CDH18: variants seen among roughly 807,000 people sequenced by gnomAD.
The protein encoded by CDH18 is cadherin-18.
A neutral mutation model predicts 67.9 loss-of-function variants in CDH18; 31 were observed. That is an observed-to-expected ratio of 0.46 (90% CI 0.34 to 0.62). The LOEUF (loss-of-function observed/expected upper bound fraction) is 0.62. Among genes scored for constraint, CDH18 ranks in the 20% least tolerant of loss-of-function variants. The pLI is 0.01. For synonymous variants in CDH18, 362 were observed against 347.2 expected (o/e 1.04, Z -0.48); for missense variants, 890 against 975.5 (o/e 0.91, Z 1.17).
intron 3 of CDH18, among the ~76,000 whole-genome samples, chr5:19,751,254 C>T (rs910290981): frequency 6.6e-6 from 1 of 152,080 alleles, no homozygotes; most frequent in Non-Finnish European, 1.5e-5. Flanking sequence ...TATTCTATTC[C>T]TTGGGGAAGA....
intron 1 of CDH18, among the ~76,000 whole-genome samples, chr5:20,364,076 G>T (rs1323360028): frequency 6.6e-6 from 1 of 152,128 alleles, no homozygotes; most frequent in Non-Finnish European, 1.5e-5. Flanking sequence ...AAGAGGAAGA[G>T]CACATTGAAG....
At chr5:20,166,222 C>T (rs1472507370) in intron 2 of CDH18, among the ~76,000 whole-genome samples, 1 of 151,896 alleles carries the variant, frequency 6.6e-6, no homozygotes, top group Non-Finnish European at 1.5e-5. Context: ...TGGCGGATCA[C>T]CTGAAGTCAG....
At chr5:20,309,958 C>T (rs1736843538) in intron 1 of CDH18, among the ~76,000 whole-genome samples, 1 of 151,738 alleles carries the variant, frequency 6.6e-6, no homozygotes, top group African/African-American at 2.4e-5. Flanking sequence ...ATCTAAGTTG[C>T]TATCCCTTTA....
rs550807826 is a variant in CDH18, at chr5:20,205,356, T to C, written c.-518+50088A>G. Among the ~76,000 whole-genome samples the C allele has an allele frequency of 7.9e-5, 12 of 151,866 alleles. No individual in the cohort carries two copies. In the South Asian group the frequency reaches 1.2e-3, roughly 16 times the overall value. On this transcript the variant is annotated intron_variant, in intron 2 of 14. Coordinates refer to the CDH18 transcript ENST00000507958. ...ATCAATTATAAATATGCATCCAACA[T>C]TGGAACACCCAAGTATATGCAACAA...
At chr5:20,062,336 C>A (rs1742572385) in intron 2 of CDH18, among the ~76,000 whole-genome samples, 1 of 151,684 alleles carries the variant, frequency 6.6e-6, no homozygotes, top group Admixed American at 6.6e-5. Context: ...GTATTTTTAG[C>A]AGACATGGGG....
Position 20,455,370 on chromosome 5 carries a change from A to G in CDH18, c.-580+120092T>C, listed in dbSNP as rs76013738. 1.1e-3 allele frequency among the ~76,000 whole-genome samples: 165 copies of G among 152,226 alleles called. 4 individuals are homozygous for G. The Middle Eastern group carries it at 0.014, about 13-fold the overall frequency. On this transcript the variant is annotated intron_variant, in intron 1 of 14. Coordinates refer to the CDH18 transcript ENST00000507958. Reference sequence around the variant, plus strand: ...TGATGGATTTAAGGAGAGCAAGACTAAGGCAGGGAGACAAATTAAAAAGCT... The same window carrying G: ...TGATGGATTTAAGGAGAGCAAGACTGAGGCAGGGAGACAAATTAAAAAGCT...
chr5:20,295,457 A>G (rs1747412803), intron 1 of CDH18, among the ~76,000 whole-genome samples: 1 of 152,170 alleles, frequency 6.6e-6, no homozygotes. Flanking sequence ...GGCCAGGCAC[A>G]GTGGCTCACG....
At chr5:19,920,558 G>T (rs1349160922) in intron 2 of CDH18, among the ~76,000 whole-genome samples, 1 of 134,304 alleles carries the variant, frequency 7.4e-6, no homozygotes, top group African/African-American at 2.8e-5. Context: ...CTGTCGCCTA[G>T]TCTGGAGTAC....
At chr5:20,535,227 G>A (rs569595190) in intron 1 of CDH18, among the ~76,000 whole-genome samples, 11 of 152,236 alleles carry the variant, frequency 7.2e-5, no homozygotes, top group Admixed American at 3.9e-4. Flanking sequence ...CTGAAGTGCC[G>A]ATTTGCTTGC....
intron 4 of CDH18, among the ~76,000 whole-genome samples, chr5:19,736,108 G>C (rs1768285711): frequency 6.6e-6 from 1 of 152,152 alleles, no homozygotes; most frequent in Non-Finnish European, 1.5e-5. Flanking sequence ...TGAAATAATG[G>C]ACCAGAACAT....
At chr5:20,168,058 A>G (rs964840775) in intron 2 of CDH18, among the ~76,000 whole-genome samples, 9 of 152,288 alleles carry the variant, frequency 5.9e-5, no homozygotes, top group Non-Finnish European at 7.4e-5. Flanking sequence ...ACCTTTAGTG[A>G]AAGTCTGGAA....
chr5:19,668,061 A>G (rs1758210408), intron 5 of CDH18, among the ~76,000 whole-genome samples: 1 of 152,094 alleles, frequency 6.6e-6, no homozygotes, highest in Non-Finnish European at 1.5e-5. Context: ...TAGTCAGTAT[A>G]CATATTTACG....
intron 1 of CDH18, among the ~76,000 whole-genome samples, chr5:20,356,322 G>A (rs1042630459): frequency 2.6e-5 from 4 of 152,284 alleles, no homozygotes; most frequent in African/African-American, 4.8e-5. Context: ...GACGGAGGTC[G>A]CAGTGAGCTG....
At chr5:19,992,009 T>G (rs1297750308), upstream of CDH18, 1 of 139,048 alleles carries the variant, frequency 7.2e-6, no homozygotes, top group Non-Finnish European at 1.5e-5. Flanking sequence ...CAGAGCGAGA[T>G]TCCATCTCAA....
intron 2 of CDH18, among the ~76,000 whole-genome samples, chr5:20,175,394 T>C (rs560430554): frequency 6.6e-6 from 1 of 152,106 alleles, no homozygotes; most frequent in Non-Finnish European, 1.5e-5. Context: ...TAAAGTTTCT[T>C]GTGGTTGATA....
chr5:19,932,571 C>A (rs1793818606), intron 2 of CDH18, among the ~76,000 whole-genome samples: 1 of 151,432 alleles, frequency 6.6e-6, no homozygotes, highest in African/African-American at 2.4e-5. Context: ...CCCCACAATA[C>A]ACACACCTTG....
At chr5:20,410,765 A>C (rs992331202) in intron 1 of CDH18, among the ~76,000 whole-genome samples, 3 of 151,898 alleles carry the variant, frequency 2.0e-5, no homozygotes, top group African/African-American at 7.2e-5. Context: ...TAAAGTCTCC[A>C]TTTAAAATAA....
intron 1 of CDH18, among the ~76,000 whole-genome samples, chr5:20,386,842 T>C (rs964634929): frequency 6.6e-6 from 1 of 152,164 alleles, no homozygotes. Flanking sequence ...CCCCAAATTA[T>C]GTTTATTTTG....
At chr5:20,447,911 T>C (rs1482693622) in intron 1 of CDH18, among the ~76,000 whole-genome samples, 3 of 152,140 alleles carry the variant, frequency 2.0e-5, no homozygotes, top group Non-Finnish European at 4.4e-5. Flanking sequence ...TTAATATTTC[T>C]TTTTATTATA....
Sources: allele counts gnomAD v4.1 joint callset (sites outside exome capture counted in the v4.1 genomes callset), GRCh38; gene constraint gnomAD v4.1.1; transcripts MANE v1.5; gene names NCBI Gene and HGNC (gene_info 2026-07-23, HGNC 2026-07-21).